Variants in RPS6KA3 observed in about 807,000 individuals in gnomAD.
RPS6KA3 encodes the protein ribosomal protein S6 kinase alpha-3.
A neutral mutation model predicts 67.2 loss-of-function variants in RPS6KA3; 4 were observed. That is an observed-to-expected ratio of 0.06 (90% CI 0.03 to 0.14). The LOEUF is 0.14. Ranked by LOEUF, RPS6KA3 falls within the 10% of genes least tolerant of loss-of-function variation. The pLI is 1.00. For synonymous variants in RPS6KA3, 182 were observed against 183.7 expected (o/e 0.99, Z 0.07); for missense variants, 204 against 559.0 (o/e 0.36, Z 6.40).
At chrX:20,165,464 C>T (rs2067410721) in intron 17 of RPS6KA3, among the ~76,000 whole-genome samples, 1 of 111,450 alleles carries the variant, frequency 9.0e-6, no homozygotes, top group Non-Finnish European at 1.9e-5. Context: ...GGAGCTTACA[C>T]AGTTCTGGGG....
chrX:20,225,610 C>G (rs2069100823), intron 2 of RPS6KA3, among the ~76,000 whole-genome samples: 1 of 111,054 alleles, frequency 9.0e-6, no homozygotes, highest in Admixed American at 9.6e-5. Flanking sequence ...AATGAGCACT[C>G]TATTGTATTT....
Position 20,204,120 on chromosome X carries a change from G to A in RPS6KA3, c.244-17C>T, listed in dbSNP as rs1031111314. ...TAAGAAAACCTGCATTTAAGTAAGA[G>A]AAAATAAATATTACAAAGTAGTATA... On this transcript the variant is annotated splice_polypyrimidine_tract_variant and intron_variant, in intron 3 of 21. Transcript: ENST00000379565. 3 of 1,063,584 alleles carry A rather than the reference G, an allele frequency of 2.8e-6. No individual in the cohort carries two copies. Among genetic ancestry groups the A allele is most frequent in the Non-Finnish European group, 3.9e-6 (3 of 762,037 alleles). 87.7% of individuals were successfully genotyped at this position (1,063,584 alleles called of 1,213,427 possible). A position where few individuals can be genotyped will look rare whatever the true frequency, so the allele number is the denominator to read the frequency against.
At chrX:20,249,232 G>A (rs777317524) in intron 1 of RPS6KA3, among the ~76,000 whole-genome samples, 18 of 111,875 alleles carry the variant, frequency 1.6e-4, no homozygotes, top group Non-Finnish European at 2.4e-4. Flanking sequence ...AGGACATTTG[G>A]TTTCTAATTT....
intron 10 of RPS6KA3, among the ~76,000 whole-genome samples, chrX:20,184,487 T>A (rs757871089): frequency 5.6e-5 from 6 of 106,233 alleles, no homozygotes; most frequent in Admixed American, 1.0e-4. Context: ...CTCACTGCAG[T>A]CTTGACCTCC....
chrX:20,259,936 A>T (rs770404677), intron 1 of RPS6KA3, among the ~76,000 whole-genome samples: 48 of 111,249 alleles, frequency 4.3e-4, no homozygotes, highest in African/African-American at 1.5e-3. Flanking sequence ...AAAATACTAT[A>T]TATACTATTT....
intron 1 of RPS6KA3, among the ~76,000 whole-genome samples, chrX:20,256,829 T>C (rs1468298429): frequency 8.9e-6 from 1 of 112,036 alleles, no homozygotes; most frequent in Non-Finnish European, 1.9e-5. Context: ...GCTACATACA[T>C]ACATATATTT....
chrX:20,191,429 C>A (rs1398440789), intron 7 of RPS6KA3, among the ~76,000 whole-genome samples: 1 of 111,421 alleles, frequency 9.0e-6, no homozygotes, highest in Non-Finnish European at 1.9e-5. Context: ...GGTTCTAGAT[C>A]CTTGAGGAAT....
intron 10 of RPS6KA3, among the ~76,000 whole-genome samples, chrX:20,184,250 T>C (rs1032386244): frequency 9.0e-6 from 1 of 111,273 alleles, no homozygotes; most frequent in Non-Finnish European, 1.9e-5. Flanking sequence ...GGTTTTGCCA[T>C]GTTGGCCAGG....
At chrX:20,266,503 AGCGAGCCGGCGGGGGCGCGAG>A in intron 1 of RPS6KA3, 40 bp downstream of exon 1, 1 of 969,297 alleles carries the variant, frequency 1.0e-6, no homozygotes, top group Non-Finnish European at 1.4e-6. Flanking sequence ...CGGGGAGCGA[AGCGAGCCGGCGGGGGCGCGAG>A]GAGGAGATGC....
intron 2 of RPS6KA3, among the ~76,000 whole-genome samples, chrX:20,222,952 A>G (rs112320830): frequency 9.0e-6 from 1 of 111,676 alleles, no homozygotes; most frequent in Non-Finnish European, 1.9e-5. Flanking sequence ...CATAATGTGA[A>G]TATTTGGTTT....
At chrX:20,237,193 C>A (rs2069433251) in intron 1 of RPS6KA3, among the ~76,000 whole-genome samples, 1 of 111,456 alleles carries the variant, frequency 9.0e-6, no homozygotes, top group Non-Finnish European at 1.9e-5. Flanking sequence ...GCCCACCAAT[C>A]TGCTCCCTCT....
At chrX:20,225,573 T>C (rs1052194235) in intron 2 of RPS6KA3, among the ~76,000 whole-genome samples, 2 of 111,444 alleles carry the variant, frequency 1.8e-5, no homozygotes, top group Admixed American at 1.9e-4. Context: ...GTGTTATTAA[T>C]ATACCATGGT....
chrX:20,257,248 C>CCCT (rs1415253533), intron 1 of RPS6KA3, among the ~76,000 whole-genome samples: 1 of 111,948 alleles, frequency 8.9e-6, no homozygotes, highest in Non-Finnish European at 1.9e-5. Context: ...CTTAACGTAC[C>CCCT]CCTCACCCTT....
chrX:20,172,655 T>C, intron 15 of RPS6KA3, 91 bp downstream of exon 15: 1 of 828,660 alleles, frequency 1.2e-6, no homozygotes, highest in African/African-American at 2.0e-5. Flanking sequence ...CAAAAGGCAC[T>C]TTTAACAACA....
chrX:20,218,999 C>A (rs1197941738), intron 2 of RPS6KA3: 1 of 424,305 alleles, frequency 2.4e-6, no homozygotes, highest in Non-Finnish European at 4.1e-6. Context: ...AGAGGCCGGA[C>A]AATTTTCCTG....
At chrX:20,166,881 C>T (rs2067454367) in intron 17 of RPS6KA3, among the ~76,000 whole-genome samples, 1 of 110,510 alleles carries the variant, frequency 9.0e-6, no homozygotes, top group African/African-American at 3.3e-5. Context: ...TGACGCCCGG[C>T]TAATTTTTGT....
At chrX:20,234,347 C>T (rs777464700) in intron 2 of RPS6KA3, among the ~76,000 whole-genome samples, 3 of 110,800 alleles carry the variant, frequency 2.7e-5, no homozygotes, top group East Asian at 2.8e-4. Context: ...TGGTGGTGAG[C>T]GCCTGTAATC....
intron 1 of RPS6KA3, among the ~76,000 whole-genome samples, chrX:20,253,541 T>C (rs1345099383): frequency 9.0e-6 from 1 of 110,733 alleles, no homozygotes; most frequent in Non-Finnish European, 1.9e-5. Context: ...TTCCTGTGCT[T>C]GTTTGTTATG....
chrX:20,229,146 A>G (rs181079079), intron 2 of RPS6KA3, among the ~76,000 whole-genome samples: 1 of 110,495 alleles, frequency 9.1e-6, no homozygotes, highest in Non-Finnish European at 1.9e-5. Context: ...AGAGCAGTCC[A>G]TAGGTTAAGA....
Sources: allele counts gnomAD v4.1 joint callset (sites outside exome capture counted in the v4.1 genomes callset), GRCh38; gene constraint gnomAD v4.1.1; transcripts MANE v1.5; gene names NCBI Gene and HGNC (gene_info 2026-07-23, HGNC 2026-07-21).